MDGA2: variants seen among roughly 807,000 people sequenced by gnomAD.
MDGA2 encodes the protein MAM domain containing glycosylphosphatidylinositol anchor 2, also known as MAM domain-containing glycosylphosphatidylinositol anchor protein 2.
In MDGA2, 40 loss-of-function variants were observed where a neutral mutation model predicts 117.8. The observed-to-expected ratio is 0.34, with a 90% confidence interval of 0.26 to 0.44. MDGA2 has a LOEUF of 0.44. Among genes scored for constraint, MDGA2 ranks in the 20% least tolerant of loss-of-function variants. The probability of loss-of-function intolerance (pLI) is 1.00; values close to 1 mark genes in which losing one functional copy is unlikely to be tolerated. For synonymous variants in MDGA2, 452 were observed against 439.0 expected (o/e 1.03, Z -0.37); for missense variants, 1,123 against 1,250.6 (o/e 0.90, Z 1.54).
At chr14:47,177,260 A>G (rs903687528) in intron 3 of MDGA2, among the ~76,000 whole-genome samples, 86 of 151,910 alleles carry the variant, frequency 5.7e-4, no homozygotes, top group Non-Finnish European at 9.7e-4. Context: ...TCAGGGATCT[A>G]GAACTAGAAA....
At chr14:46,978,398 A>G (rs1236963276) in intron 8 of MDGA2, among the ~76,000 whole-genome samples, 1 of 152,072 alleles carries the variant, frequency 6.6e-6, no homozygotes, top group Non-Finnish European at 1.5e-5. Context: ...GCTGAATTAA[A>G]TGAAGAAATG....
intron 2 of MDGA2, among the ~76,000 whole-genome samples, chr14:47,243,299 A>G (rs1424879108): frequency 1.3e-5 from 2 of 151,620 alleles, no homozygotes; most frequent in Admixed American, 1.3e-4. Context: ...ACCAATCAGC[A>G]CCCTGACAAA....
At chr14:47,549,535 G>A (rs529278291) in intron 1 of MDGA2, among the ~76,000 whole-genome samples, 1 of 152,134 alleles carries the variant, frequency 6.6e-6, no homozygotes, top group East Asian at 1.9e-4. Context: ...AATATGCAAA[G>A]CATCAGCAAT....
At chr14:47,311,522 A>T (rs528688997) in intron 1 of MDGA2, among the ~76,000 whole-genome samples, 1 of 152,238 alleles carries the variant, frequency 6.6e-6, no homozygotes, top group East Asian at 1.9e-4. Context: ...CCCAGGAGAC[A>T]GAGATCAGTG....
At chr14:47,185,869 T>G (rs948673113) in intron 3 of MDGA2, among the ~76,000 whole-genome samples, 1 of 151,012 alleles carries the variant, frequency 6.6e-6, no homozygotes, top group Non-Finnish European at 1.5e-5. Flanking sequence ...CGCATTAAGA[T>G]AAAAGATACA....
At chr14:46,897,038 C>T (rs1396461567) in intron 10 of MDGA2, among the ~76,000 whole-genome samples, 2 of 152,116 alleles carry the variant, frequency 1.3e-5, no homozygotes, top group Non-Finnish European at 2.9e-5. Flanking sequence ...ATACCATAAA[C>T]ATGCCTCCCA....
At chr14:47,509,021 A>G (rs1198149579) in intron 1 of MDGA2, among the ~76,000 whole-genome samples, 2 of 152,144 alleles carry the variant, frequency 1.3e-5, no homozygotes. Flanking sequence ...GAATATAGGC[A>G]AAGAGTTAAG....
intron 1 of MDGA2, among the ~76,000 whole-genome samples, chr14:47,317,556 T>G (rs1889845457): frequency 2.0e-5 from 3 of 152,116 alleles, no homozygotes; most frequent in Non-Finnish European, 1.5e-5. Context: ...TGATTATATC[T>G]TTTCAAGAAA....
intron 3 of MDGA2, among the ~76,000 whole-genome samples, chr14:47,152,605 A>G (rs1236743569): frequency 6.6e-6 from 1 of 152,180 alleles, no homozygotes; most frequent in African/African-American, 2.4e-5. Context: ...TGCATATTTT[A>G]CATGTCTACA....
intron 1 of MDGA2, among the ~76,000 whole-genome samples, chr14:47,391,272 G>A (rs868576977): frequency 3.3e-5 from 5 of 152,158 alleles, no homozygotes; most frequent in South Asian, 4.1e-4. Context: ...TAGATTTGCC[G>A]AAGGGAGAAA....
intron 1 of MDGA2, among the ~76,000 whole-genome samples, chr14:47,419,259 T>C (rs889347218): frequency 2.6e-5 from 4 of 152,030 alleles, no homozygotes. Context: ...ATAATCAGAC[T>C]GTCCTCATTT....
intron 6 of MDGA2, among the ~76,000 whole-genome samples, chr14:47,089,251 C>T (rs182113751): frequency 3.9e-5 from 6 of 152,218 alleles, no homozygotes; most frequent in African/African-American, 9.6e-5. Context: ...AAATTTGAAT[C>T]GCTCCTTGGC....
chr14:47,297,226 A>G (rs2139797299), intron 2 of MDGA2, among the ~76,000 whole-genome samples: 1 of 152,196 alleles, frequency 6.6e-6, no homozygotes, highest in South Asian at 2.1e-4. Flanking sequence ...AACGAACGAG[A>G]ACTGAAAGGT....
chr14:47,032,423 C>A (rs1888695384), intron 8 of MDGA2, among the ~76,000 whole-genome samples: 2 of 151,912 alleles, frequency 1.3e-5, no homozygotes, highest in Admixed American at 6.6e-5. Context: ...CCGGTCTCTA[C>A]ACAAAATTAA....
At chr14:47,382,190 T>C (rs1312251164) in intron 1 of MDGA2, among the ~76,000 whole-genome samples, 2 of 152,130 alleles carry the variant, frequency 1.3e-5, no homozygotes, top group Non-Finnish European at 2.9e-5. Context: ...TTACACCTTA[T>C]ACAAAAATTA....
At position 47,103,785 on chromosome 14, in the gene MDGA2, T is replaced by C. The variant is rs150711968; in HGVS notation, c.926-6662A>G. ...TGGGCTTTGTTTGCCTGGCACAGTA[T>C]CTGTTGTTGTTGTTATCAACAGTGA... is the stretch of plus-strand genomic sequence containing the variant. On this transcript the variant is annotated intron_variant, in intron 5 of 16. Transcript: ENST00000399232. 2.2e-4 allele frequency among the ~76,000 whole-genome samples: 33 copies of C among 152,346 alleles called. 1 individual carries two copies. Among genetic ancestry groups the C allele is most frequent in the African/African-American group, 7.7e-4 (32 of 41,578 alleles).
intron 1 of MDGA2, among the ~76,000 whole-genome samples, chr14:47,587,810 A>C (rs1314712938): frequency 6.6e-6 from 1 of 151,882 alleles, no homozygotes; most frequent in Non-Finnish European, 1.5e-5. Context: ...CCATTGCCAC[A>C]ATCTAATTCC....
At chr14:47,375,033 A>G (rs191409140) in intron 1 of MDGA2, among the ~76,000 whole-genome samples, 245 of 152,042 alleles carry the variant, frequency 1.6e-3, no homozygotes, top group African/African-American at 5.6e-3. Context: ...ATTCTGGCTT[A>G]ATTTATTTCT....
At chr14:47,424,870 C>T (rs1208454919) in intron 1 of MDGA2, among the ~76,000 whole-genome samples, 3 of 152,106 alleles carry the variant, frequency 2.0e-5, no homozygotes, top group African/African-American at 7.2e-5. Flanking sequence ...TCCATAATCT[C>T]ATAGTTTTTA....
Sources: gnomAD v4.1 joint callset for allele counts (sites outside exome capture counted in the v4.1 genomes callset) on GRCh38, gnomAD v4.1.1 for gene constraint, MANE v1.5 for transcripts, NCBI Gene and HGNC (gene_info 2026-07-23, HGNC 2026-07-21) for gene names.